MEGF11: variants seen among roughly 807,000 people sequenced by gnomAD.
The protein encoded by MEGF11 is multiple epidermal growth factor-like domains protein 11.
Under a neutral mutation model 146.6 loss-of-function variants are expected in MEGF11, and 126 were observed. The observed-to-expected ratio is 0.86, with a 90% CI of 0.74 to 1.00. The LOEUF (loss-of-function observed/expected upper bound fraction) is 1.00. MEGF11 is among the 50% of genes least tolerant of loss of function. The pLI, the probability that MEGF11 is intolerant of heterozygous loss-of-function variation, is 0.00. For synonymous variants in MEGF11, 532 were observed against 583.4 expected (o/e 0.91, Z 1.27); for missense variants, 1,509 against 1,521.2 (o/e 0.99, Z 0.13).
intron 1 of MEGF11, among the ~76,000 whole-genome samples, chr15:66,232,937 G>A (rs1220305487): frequency 2.0e-5 from 3 of 152,208 alleles, no homozygotes; most frequent in Non-Finnish European, 4.4e-5. Flanking sequence ...GGTGAGTGGA[G>A]GACCCTAGTC....
chr15:66,104,271 C>T (rs1272345462), intron 4 of MEGF11, among the ~76,000 whole-genome samples: 1 of 152,182 alleles, frequency 6.6e-6, no homozygotes, highest in Non-Finnish European at 1.5e-5. Context: ...CTCACCTTTC[C>T]CCTCTGCCCA....
At chr15:66,227,867 A>T (rs1362209243) in intron 1 of MEGF11, among the ~76,000 whole-genome samples, 1 of 152,162 alleles carries the variant, frequency 6.6e-6, no homozygotes, top group East Asian at 1.9e-4. Flanking sequence ...ATCTTCTAAG[A>T]CTAGCTGGGC....
chr15:66,010,175 A>G (rs1481632290), intron 5 of MEGF11, among the ~76,000 whole-genome samples: 2 of 143,812 alleles, frequency 1.4e-5, no homozygotes, highest in Non-Finnish European at 3.0e-5. Flanking sequence ...AAAAAAAAAA[A>G]AAAGTGCAAA....
intron 5 of MEGF11, among the ~76,000 whole-genome samples, chr15:66,091,761 G>T (rs1380295690): frequency 1.3e-5 from 2 of 152,202 alleles, no homozygotes; most frequent in African/African-American, 4.8e-5. Flanking sequence ...CACCAAGCTC[G>T]CAGTTGTGTG....
At chr15:65,965,619 T>TTCTTTCTTTTCTTTCTTTCTTTCTTTTC (rs2081061192) in intron 8 of MEGF11, among the ~76,000 whole-genome samples, 1 of 119,954 alleles carries the variant, frequency 8.3e-6, no homozygotes, top group Admixed American at 8.6e-5. Context: ...TTTTCTTTTT[T>TTCTTTCTTTTCTTTCTTTCTTTCTTTTC]TTTTTTTTGG....
intron 1 of MEGF11, among the ~76,000 whole-genome samples, chr15:66,207,348 A>T (rs2091326399): frequency 6.6e-6 from 1 of 152,254 alleles, no homozygotes; most frequent in South Asian, 2.1e-4. Flanking sequence ...CAATGAGATT[A>T]TCAGCTGTTT....
Position 65,898,855 on chromosome 15 carries a change from G to A in MEGF11, c.3135C>T (p.Asp1045=), listed in dbSNP as rs1211370313. 6.2e-7 allele frequency: 1 copy of A among 1,613,934 alleles called. No homozygotes were observed. The highest frequency in any genetic ancestry group is 8.5e-7 in the Non-Finnish European group (1 of 1,179,848). ...SSENPYATIK[D]PPILTCKLPE... ...GAAGCTTGCAGGTGAGGATGGGTGGGTCCTTAATTGTGGCGTAAGGGTTTT... is the reference window on the plus strand; with the variant it reads ...GAAGCTTGCAGGTGAGGATGGGTGGATCCTTAATTGTGGCGTAAGGGTTTT... Residue 1045 remains aspartate (D), a synonymous_variant, in exon 25 of 26, where the codon GAC becomes GAT. Coordinates refer to ENST00000395614, the MANE Select transcript of MEGF11 (RefSeq NM_001385028.1).
chr15:65,920,186 T>C (rs1439487427), intron 15 of MEGF11, among the ~76,000 whole-genome samples: 2 of 152,210 alleles, frequency 1.3e-5, no homozygotes, highest in Non-Finnish European at 2.9e-5. Context: ...GAGGTGGGAA[T>C]GGGAACCCTC....
In MEGF11 at chr15:65,980,894, C is replaced by G. The variant is rs747649099; in HGVS notation, c.646G>C (p.Glu216Gln). 2.5e-6 allele frequency: 4 copies of G among 1,580,604 alleles called. No homozygotes were observed. Among genetic ancestry groups the G allele is most frequent in the Non-Finnish European group, 2.6e-6 (3 of 1,164,568 alleles). The stretch of plus-strand genomic sequence containing the variant: ...TGGCTCCCAGGAGGGCACAGCTCCT[C>G]GCAGCTGCATGGAGAAGCAGAGGTG... ...CAPGYTGVYC[E>Q]ELCPPGSHGA... Residue 216 changes from glutamate to glutamine, a missense_variant, in exon 7 of 26, where the codon GAG becomes CAG. Physicochemically the swap from Glu to Gln is conservative, Grantham distance 29. Transcript: ENST00000395614.
At chr15:66,153,943 G>A (rs1453825076) in intron 1 of MEGF11, among the ~76,000 whole-genome samples, 1 of 152,174 alleles carries the variant, frequency 6.6e-6, no homozygotes, top group African/African-American at 2.4e-5. Context: ...TCCCCCCACT[G>A]GCTGGCTCTG....
chr15:66,041,800 A>AT (rs1329612094), intron 5 of MEGF11, among the ~76,000 whole-genome samples: 1 of 152,194 alleles, frequency 6.6e-6, no homozygotes, highest in Non-Finnish European at 1.5e-5. Flanking sequence ...AGGGCTCATA[A>AT]TATCATCACT....
At chr15:66,212,092 G>A (rs926214607) in intron 1 of MEGF11, among the ~76,000 whole-genome samples, 8 of 12,722 alleles carry the variant, frequency 6.3e-4, no homozygotes, top group Admixed American at 2.5e-3. Flanking sequence ...CCTCCCGCCC[G>A]CCAGTCTCCC....
At chr15:65,908,705 T>C (rs1596818936) in intron 23 of MEGF11, among the ~76,000 whole-genome samples, 1 of 152,332 alleles carries the variant, frequency 6.6e-6, no homozygotes, top group Admixed American at 6.5e-5. Context: ...CCCAAAGATG[T>C]CGCCATCCCC....
At chr15:66,090,481 G>A (rs187476385) in intron 5 of MEGF11, among the ~76,000 whole-genome samples, 83 of 152,324 alleles carry the variant, frequency 5.4e-4, no homozygotes, top group Admixed American at 4.5e-3. Flanking sequence ...GTTATATATT[G>A]CCTTTATGTC....
At chr15:66,227,857 A>G (rs1456239824) in intron 1 of MEGF11, among the ~76,000 whole-genome samples, 1 of 152,138 alleles carries the variant, frequency 6.6e-6, no homozygotes, top group African/African-American at 2.4e-5. Context: ...TTCAGATACC[A>G]TCTTCTAAGA....
intron 1 of MEGF11, among the ~76,000 whole-genome samples, chr15:66,191,152 T>A (rs990200186): frequency 6.6e-6 from 1 of 152,092 alleles, no homozygotes; most frequent in African/African-American, 2.4e-5. Flanking sequence ...CTATTTTAAC[T>A]ATATCCCTCC....
At chr15:66,207,845 G>T (rs1441761091) in intron 1 of MEGF11, among the ~76,000 whole-genome samples, 1 of 152,200 alleles carries the variant, frequency 6.6e-6, no homozygotes, top group East Asian at 1.9e-4. Context: ...CACTTTGGGA[G>T]GCCAAGGCGG....
intron 10 of MEGF11, among the ~76,000 whole-genome samples, chr15:65,954,230 C>G (rs946026756): frequency 6.6e-6 from 1 of 152,146 alleles, no homozygotes; most frequent in African/African-American, 2.4e-5. Context: ...AGGATAAAGG[C>G]GCGTACATAC....
In MEGF11 at chr15:65,946,394, T is replaced by C. The variant is rs182038077; in HGVS notation, c.1287+11153A>G. On this transcript the variant is annotated intron_variant, in intron 10 of 25. Coordinates refer to ENST00000395614, the MANE Select transcript of MEGF11 (RefSeq NM_001385028.1). The stretch of plus-strand genomic sequence containing the variant: ...GCCAAGCAGCCTCCAGTGAAGACAT[T>C]TGGGGAGGATGGGATCCAGCATCTA... Among the ~76,000 whole-genome samples, 3 of 152,190 alleles carry C rather than the reference T, an allele frequency of 2.0e-5. No individual in the cohort carries two copies. The East Asian group carries it at 5.8e-4, about 29-fold the overall frequency.
Sources: allele counts gnomAD v4.1 joint callset (sites outside exome capture counted in the v4.1 genomes callset), GRCh38; gene constraint gnomAD v4.1.1; transcripts MANE v1.5; gene names NCBI Gene and HGNC (gene_info 2026-07-23, HGNC 2026-07-21).